Variants in CD44 observed in about 807,000 individuals in gnomAD.
The protein encoded by CD44 is CD44 molecule (IN blood group).
In CD44, 49 loss-of-function variants were observed where a neutral mutation model predicts 88.8. That is an observed-to-expected ratio of 0.55 (90% CI 0.44 to 0.70). CD44 has a LOEUF of 0.70. CD44 is among the 30% of genes least tolerant of loss of function. CD44 has a pLI of 0.00. For synonymous variants in CD44, 325 were observed against 312.3 expected (o/e 1.04, Z -0.43); for missense variants, 883 against 913.8 (o/e 0.97, Z 0.43).
intron 1 of CD44, among the ~76,000 whole-genome samples, chr11:35,155,793 A>G (rs971542341): frequency 2.0e-5 from 3 of 152,202 alleles, no homozygotes; most frequent in African/African-American, 7.2e-5. Context: ...TTCTTTCTCT[A>G]AATTATGAGA....
chr11:35,206,677 G>A (rs1210800343), intron 11 of CD44, among the ~76,000 whole-genome samples: 2 of 150,688 alleles, frequency 1.3e-5, no homozygotes, highest in Non-Finnish European at 3.0e-5. Flanking sequence ...GGTGGGGGGG[G>A]CAGTTTTCCT....
At chr11:35,190,403 C>A in intron 5 of CD44, 1 of 312,328 alleles carries the variant, frequency 3.2e-6, no homozygotes, top group Non-Finnish European at 6.0e-6. Context: ...TTCATTTTTT[C>A]ATGTTTCCTT....
At chr11:35,167,272 T>TG (rs1565047500) in intron 1 of CD44, among the ~76,000 whole-genome samples, 18 of 136,396 alleles carry the variant, frequency 1.3e-4, no homozygotes, top group African/African-American at 3.4e-4. Context: ...GTGTGTGTGT[T>TG]TTTGTTTTTG....
intron 12 of CD44, 74 bp from the exon 13 acceptor site, chr11:35,209,891 T>G: frequency 1.0e-6 from 1 of 964,360 alleles, no homozygotes; most frequent in Non-Finnish European, 1.6e-6. Flanking sequence ...CTAGCTAGAT[T>G]TTCCTTGCTA....
intron 10 of CD44, chr11:35,205,717 C>A: frequency 1.2e-6 from 1 of 832,530 alleles, no homozygotes; most frequent in Non-Finnish European, 1.4e-6. Context: ...GCCTAATGTG[C>A]ATTTGGCTGG....
In CD44 at chr11:35,229,508, T is replaced by C. The variant is rs1241056379; in HGVS notation, c.*175T>C. On this transcript the variant is annotated 3_prime_UTR_variant, in exon 18 of 18. Coordinates refer to ENST00000428726, the MANE Select transcript of CD44 (RefSeq NM_000610.4). ...TTTGTTCTTTAAAGTCAGGTCCAATTTGTAAAAACAGCATTGCTTTCTGAA... is the reference window on the plus strand; with the variant it reads ...TTTGTTCTTTAAAGTCAGGTCCAATCTGTAAAAACAGCATTGCTTTCTGAA... 9 of 573,116 alleles carry C rather than the reference T, an allele frequency of 1.6e-5. No homozygotes were observed. Among genetic ancestry groups the C allele is most frequent in the Non-Finnish European group, 2.5e-5 (8 of 323,272 alleles). The allele number at this position is 573,116 out of a possible 1,614,324, so 35.5% of individuals were successfully genotyped here.
At chr11:35,162,973 T>G (rs1361688614) in intron 1 of CD44, among the ~76,000 whole-genome samples, 2 of 152,106 alleles carry the variant, frequency 1.3e-5, no homozygotes, top group African/African-American at 4.8e-5. Flanking sequence ...AGACAGAGAT[T>G]GAGTCACCAA....
Position 35,208,218 on chromosome 11 carries a change from G to A in CD44, c.1516+12G>A, listed in dbSNP as rs542242592. The A allele has an allele frequency of 1.4e-5, 21 of 1,531,496 alleles. No homozygotes were observed. The highest frequency in any genetic ancestry group is 1.7e-4 in the Middle Eastern group (1 of 5,892). 94.9% of individuals were successfully genotyped at this position (1,531,496 alleles called of 1,614,324 possible). ...TTCAATGACAACGCGTAAGAATAAC[G>A]ATGCTCAGCCACTTTATTGACTTGT... is the stretch of plus-strand genomic sequence containing the variant. On this transcript the variant is annotated intron_variant, in intron 12 of 17. Transcript: ENST00000428726.
intron 1 of CD44, among the ~76,000 whole-genome samples, chr11:35,162,887 C>T (rs77567822): frequency 0.016 from 2,417 of 152,170 alleles, 70 homozygotes; most frequent in African/African-American, 0.055. Flanking sequence ...GAAACACACA[C>T]ATACATGCAC....
intron 1 of CD44, among the ~76,000 whole-genome samples, chr11:35,149,824 T>C (rs1422952733): frequency 6.6e-6 from 1 of 152,234 alleles, no homozygotes; most frequent in African/African-American, 2.4e-5. Flanking sequence ...GAATTATTAA[T>C]CCATGCCAGA....
chr11:35,159,206 G>T (rs1046771619), intron 1 of CD44, among the ~76,000 whole-genome samples: 1 of 152,178 alleles, frequency 6.6e-6, no homozygotes, highest in African/African-American at 2.4e-5. Flanking sequence ...CATAAAGTGT[G>T]TCCATCGTTT....
chr11:35,178,832 A>G (rs924165663), intron 2 of CD44, among the ~76,000 whole-genome samples: 1 of 152,196 alleles, frequency 6.6e-6, no homozygotes, highest in Admixed American at 6.5e-5. Context: ...AAAGAAATCT[A>G]TCATTTCACC....
At chr11:35,151,758 A>G (rs1860366512) in intron 1 of CD44, among the ~76,000 whole-genome samples, 1 of 152,224 alleles carries the variant, frequency 6.6e-6, no homozygotes, top group Non-Finnish European at 1.5e-5. Context: ...CTGTCCAGCT[A>G]GCCATACTAT....
chr11:35,200,836 A>G (rs1388289942), intron 7 of CD44, among the ~76,000 whole-genome samples: 2 of 152,256 alleles, frequency 1.3e-5, no homozygotes, highest in Admixed American at 1.3e-4. Context: ...TTTTATCTGG[A>G]AGATCTCATG....
intron 1 of CD44, among the ~76,000 whole-genome samples, chr11:35,141,434 C>T (rs1306058388): frequency 1.3e-5 from 2 of 152,180 alleles, no homozygotes; most frequent in Non-Finnish European, 2.9e-5. Context: ...AAGAGTCAAG[C>T]TGGAGATCAG....
At chr11:35,179,380 T>TA (rs754885852) in intron 2 of CD44, among the ~76,000 whole-genome samples, 2 of 152,220 alleles carry the variant, frequency 1.3e-5, no homozygotes, top group South Asian at 4.2e-4. Context: ...CATTTTATAT[T>TA]CAAAAAAAAT....
chr11:35,204,614 A>T lies in CD44; in HGVS notation c.1256A>T (p.Asp419Val), dbSNP rs547118706. 5 of 1,612,974 alleles carry T rather than the reference A, an allele frequency of 3.1e-6. No homozygotes were observed. Among genetic ancestry groups the T allele is most frequent in the Non-Finnish European group, 4.2e-6 (5 of 1,179,270 alleles). ...GGATATCGCCAAACACCCAAAGAAG[A>T]CTCCCATTCGACAACAGGGACAGCT... ...HEGYRQTPKE[D>V]SHSTTGTAAA... Residue 419 changes from aspartate to valine, a missense_variant, in exon 10 of 18, where the codon GAC becomes GTC. Asp to Val is a radical substitution (Grantham distance 152). Around this residue, in one of 2 missense-constraint regions of CD44, gnomAD observed 631 missense variants for 590.9 expected, o/e 1.07. Transcript: ENST00000428726.
At chr11:35,170,564 T>A (rs1341739213) in intron 1 of CD44, among the ~76,000 whole-genome samples, 4 of 152,212 alleles carry the variant, frequency 2.6e-5, no homozygotes, top group African/African-American at 9.6e-5. Flanking sequence ...TGTTTTCAGT[T>A]GAGCTCATTT....
At chr11:35,180,570 C>T (rs1241974683) in intron 3 of CD44, among the ~76,000 whole-genome samples, 163 bp downstream of exon 3, 1 of 152,160 alleles carries the variant, frequency 6.6e-6, no homozygotes, top group African/African-American at 2.4e-5. Context: ...AGCTTACATG[C>T]TAAATTGGGG....
Sources: gnomAD v4.1 joint callset for allele counts (sites outside exome capture counted in the v4.1 genomes callset) on GRCh38, gnomAD v4.1.1 for gene constraint, gnomAD v4.1.1 regional missense constraint, MANE v1.5 for transcripts, NCBI Gene and HGNC (gene_info 2026-07-23, HGNC 2026-07-21) for gene names.